PDZD2: variants seen among roughly 807,000 people sequenced by gnomAD.
PDZD2 encodes PDZ domain-containing protein 2.
In PDZD2, 90 loss-of-function variants were observed where a neutral mutation model predicts 220.7. The ratio of observed to expected loss-of-function variants is 0.41; its 90% CI spans 0.34 to 0.49. The LOEUF (loss-of-function observed/expected upper bound fraction) is 0.49, where lower values mean the gene tolerates loss of function less well. PDZD2 is among the 20% of genes least tolerant of loss of function. The pLI is 0.28. For missense variants in PDZD2, 3,174 were observed against 3,608.5 expected (o/e 0.88, Z 3.08); for synonymous variants, 1,375 against 1,450.5 (o/e 0.95, Z 1.18).
At chr5:31,962,766 A>G (rs1272374231) in intron 2 of PDZD2, among the ~76,000 whole-genome samples, 1 of 152,192 alleles carries the variant, frequency 6.6e-6, no homozygotes, top group African/African-American at 2.4e-5. Context: ...CAGTGCCACA[A>G]GGGAAAACTC....
At chr5:32,070,582 G>A (rs530030858) in intron 15 of PDZD2, among the ~76,000 whole-genome samples, 1 of 152,202 alleles carries the variant, frequency 6.6e-6, no homozygotes, top group Non-Finnish European at 1.5e-5. Flanking sequence ...AACTAAAATA[G>A]ATATTCAGTC....
intron 24 of PDZD2, among the ~76,000 whole-genome samples, chr5:32,107,620 G>T (rs368710848): frequency 1.2e-4 from 18 of 152,192 alleles, no homozygotes; most frequent in African/African-American, 4.3e-4. Context: ...TTCAGCTGTT[G>T]ATTTCCTTAC....
chr5:31,749,665 G>A (rs1193559961), intron 1 of PDZD2, among the ~76,000 whole-genome samples: 1 of 152,104 alleles, frequency 6.6e-6, no homozygotes, highest in African/African-American at 2.4e-5. Flanking sequence ...CTTGTGATCT[G>A]CCTGCCTTGG....
At chr5:31,668,404 T>C (rs1374132062) in intron 1 of PDZD2, among the ~76,000 whole-genome samples, 2 of 152,216 alleles carry the variant, frequency 1.3e-5, no homozygotes, top group Admixed American at 1.3e-4. Context: ...GTTCTGACTT[T>C]TCTGCAGAGA....
chr5:31,703,498 G>A (rs535447045), intron 1 of PDZD2, among the ~76,000 whole-genome samples: 4 of 152,212 alleles, frequency 2.6e-5, no homozygotes, highest in African/African-American at 9.6e-5. Context: ...GAAGGGGAGG[G>A]AGAGCATTAG....
intron 1 of PDZD2, among the ~76,000 whole-genome samples, chr5:31,645,300 C>T (rs1416257861): frequency 5.4e-5 from 8 of 149,384 alleles, no homozygotes; most frequent in South Asian, 4.3e-4. Context: ...TAGCAGGAGT[C>T]GAAATGGATT....
chr5:32,053,569 C>T (rs778540400), intron 9 of PDZD2, among the ~76,000 whole-genome samples, 200 bp from the exon 10 acceptor site: 4 of 152,080 alleles, frequency 2.6e-5, no homozygotes, highest in Admixed American at 1.3e-4. Context: ...GTAAATAGAT[C>T]GGAGGAGGGG....
At chr5:31,645,869 C>G (rs1453723778) in intron 1 of PDZD2, among the ~76,000 whole-genome samples, 1 of 152,048 alleles carries the variant, frequency 6.6e-6, no homozygotes, top group African/African-American at 2.4e-5. Context: ...CTGGGACCTG[C>G]CAGCTCAGGC....
chr5:32,053,666 A>G (rs570857744), intron 9 of PDZD2, 103 bp from the exon 10 acceptor site: 2 of 727,552 alleles, frequency 2.7e-6, no homozygotes, highest in South Asian at 3.2e-5. Flanking sequence ...TCAGTTAAAT[A>G]CTACAATGGG....
chr5:31,977,008 G>A (rs1336191843), intron 2 of PDZD2, among the ~76,000 whole-genome samples: 1 of 150,056 alleles, frequency 6.7e-6, no homozygotes, highest in African/African-American at 2.5e-5. Context: ...GAGCCAACGC[G>A]CCTGGCCAGT....
At chr5:31,995,498 C>A (rs752294537) in intron 3 of PDZD2, 78 bp from the exon 4 acceptor site, 4 of 1,466,714 alleles carry the variant, frequency 2.7e-6, no homozygotes, top group Non-Finnish European at 3.8e-6. Context: ...TTCGGCCAGA[C>A]GTGACAGCTC....
chr5:31,841,773 C>T (rs895844428), intron 2 of PDZD2, among the ~76,000 whole-genome samples: 1 of 151,850 alleles, frequency 6.6e-6, no homozygotes, highest in Admixed American at 6.6e-5. Context: ...GAGTTCGAGA[C>T]CAGCCTAGCC....
intron 15 of PDZD2, among the ~76,000 whole-genome samples, chr5:32,071,163 T>A (rs143814929): frequency 6.6e-6 from 1 of 152,252 alleles, no homozygotes; most frequent in East Asian, 1.9e-4. Flanking sequence ...GGTAGTAGCA[T>A]CTGAGTTAGG....
intron 3 of PDZD2, among the ~76,000 whole-genome samples, chr5:31,986,803 G>A (rs754742255): frequency 6.6e-6 from 1 of 152,056 alleles, no homozygotes; most frequent in Non-Finnish European, 1.5e-5. Flanking sequence ...ATTTTTGTTT[G>A]TCAGGTACTT....
chr5:31,902,880 A>C (rs905554217), intron 2 of PDZD2, among the ~76,000 whole-genome samples: 1 of 151,230 alleles, frequency 6.6e-6, no homozygotes, highest in Non-Finnish European at 1.5e-5. Flanking sequence ...ACAAACAAAA[A>C]CTTAAAATTT....
intron 23 of PDZD2, chr5:32,099,502 G>A (rs960268690): frequency 1.3e-5 from 2 of 152,278 alleles, no homozygotes; most frequent in African/African-American, 4.8e-5. Context: ...TTGTCCAGAT[G>A]CCTCCATGGT....
Position 31,966,374 on chromosome 5 carries a change from C to T in PDZD2, c.477-16781C>T, listed in dbSNP as rs564852828. Reference sequence around the variant, plus strand: ...AAATAAACATACCATTAAAAGCAAGCTTTGCATTTTCAACATTTGTGTTTG... The same window carrying T: ...AAATAAACATACCATTAAAAGCAAGTTTTGCATTTTCAACATTTGTGTTTG... On this transcript the variant is annotated intron_variant, in intron 2 of 24. Transcript: ENST00000438447. Among the ~76,000 whole-genome samples, 4 of 152,328 alleles carry T rather than the reference C, an allele frequency of 2.6e-5. No homozygotes were observed. The East Asian group carries it at 7.7e-4, about 29-fold the overall frequency.
intron 16 of PDZD2, 21 bp from the exon 17 acceptor site, chr5:32,072,140 G>A (rs748643728): frequency 8.9e-6 from 14 of 1,574,786 alleles, no homozygotes; most frequent in South Asian, 6.8e-5. Context: ...CTTAGTTATC[G>A]GATGTTTTCT....
At chr5:31,828,607 C>G (rs1214452859) in intron 2 of PDZD2, among the ~76,000 whole-genome samples, 1 of 152,180 alleles carries the variant, frequency 6.6e-6, no homozygotes, top group East Asian at 1.9e-4. Flanking sequence ...GCAATCCTCC[C>G]ACCTTATTCT....
Sources: gnomAD v4.1 joint callset for allele counts (sites outside exome capture counted in the v4.1 genomes callset) on GRCh38, gnomAD v4.1.1 for gene constraint, MANE v1.5 for transcripts, NCBI Gene and HGNC (gene_info 2026-07-23, HGNC 2026-07-21) for gene names.